Variants in CYP7B1 observed in about 807,000 individuals in gnomAD.
CYP7B1 encodes cytochrome P450 7B1.
In CYP7B1, 29 loss-of-function variants were observed where a neutral mutation model predicts 42.7. The ratio of observed to expected loss-of-function variants is 0.68; its 90% CI spans 0.51 to 0.93. The LOEUF (loss-of-function observed/expected upper bound fraction) is 0.93, where lower values mean the gene tolerates loss of function less well. Ranked by LOEUF, CYP7B1 falls within the 40% of genes least tolerant of loss-of-function variation. The pLI is 0.00. For synonymous variants in CYP7B1, 235 were observed against 218.2 expected (o/e 1.08, Z -0.68); for missense variants, 655 against 600.5 (o/e 1.09, Z -0.95).
intron 1 of CYP7B1, among the ~76,000 whole-genome samples, chr8:64,780,430 T>G (rs184023634): frequency 1.4e-3 from 215 of 152,232 alleles, no homozygotes; most frequent in African/African-American, 5.0e-3. Context: ...ACAATGAATT[T>G]AAATCCTGTT....
chr8:64,782,809 T>C (rs914344693), intron 1 of CYP7B1, among the ~76,000 whole-genome samples: 2 of 152,200 alleles, frequency 1.3e-5, no homozygotes, highest in Admixed American at 1.3e-4. Flanking sequence ...TTATTTTGAA[T>C]GAAATACAAA....
chr8:64,782,615 G>A (rs189803300), intron 1 of CYP7B1, among the ~76,000 whole-genome samples: 3 of 152,304 alleles, frequency 2.0e-5, no homozygotes, highest in East Asian at 1.9e-4. Context: ...ATATTCTTCT[G>A]ATAGAGATAA....
intron 1 of CYP7B1, among the ~76,000 whole-genome samples, chr8:64,650,777 C>T (rs1485948440): frequency 6.6e-6 from 1 of 152,136 alleles, no homozygotes; most frequent in African/African-American, 2.4e-5. Context: ...ACTTGGACCT[C>T]TAAGAAACTT....
intron 1 of CYP7B1, among the ~76,000 whole-genome samples, chr8:64,786,751 C>T (rs1411361355): frequency 6.6e-6 from 1 of 152,216 alleles, no homozygotes; most frequent in African/African-American, 2.4e-5. Context: ...GGAATCCAAC[C>T]CCACATTTCC....
At chr8:64,694,954 C>T (rs1265525901) in intron 1 of CYP7B1, among the ~76,000 whole-genome samples, 1 of 152,114 alleles carries the variant, frequency 6.6e-6, no homozygotes, top group Non-Finnish European at 1.5e-5. Flanking sequence ...ACATGGGTAA[C>T]GAGAAGTGGG....
At position 64,749,206 on chromosome 8, in the gene CYP7B1, G is replaced by A. The variant is rs184783640; in HGVS notation, c.122+49260C>T. 3.9e-3 allele frequency among the ~76,000 whole-genome samples: 595 copies of A among 151,918 alleles called. 3 individuals are homozygous for A. The highest frequency in any genetic ancestry group is 6.0e-3 in the Non-Finnish European group (408 of 67,952). On this transcript the variant is annotated intron_variant, in intron 1 of 5. Transcript: ENST00000310193. The stretch of plus-strand genomic sequence containing the variant: ...AGAAATTCTCCTGCCTCAGCCTCCT[G>A]AGTAGCTGGGATTACAGGTGCACAC...
At position 64,674,478 on chromosome 8, in the gene CYP7B1, A is replaced by G. The variant is rs549376327; in HGVS notation, c.123-49939T>C. Among the ~76,000 whole-genome samples, 3 of 152,270 alleles carry G rather than the reference A, an allele frequency of 2.0e-5. No homozygotes were observed. The South Asian group carries it at 6.2e-4, about 32-fold the overall frequency. On this transcript the variant is annotated intron_variant, in intron 1 of 5. Coordinates refer to ENST00000310193, the MANE Select transcript of CYP7B1 (RefSeq NM_004820.5). ...TACCTGGCTATGGCAAGTTTGATAC[A>G]TATTTGTTGAAAGAATAAATGCATG...
intron 1 of CYP7B1, among the ~76,000 whole-genome samples, chr8:64,796,181 G>T (rs1365515458): frequency 6.6e-6 from 1 of 152,144 alleles, no homozygotes; most frequent in Non-Finnish European, 1.5e-5. Flanking sequence ...GGAACAAGAA[G>T]GGCTTTCTAA....
chr8:64,762,065 T>C (rs1344612010), intron 1 of CYP7B1, among the ~76,000 whole-genome samples: 1 of 152,210 alleles, frequency 6.6e-6, no homozygotes, highest in Non-Finnish European at 1.5e-5. Context: ...AAAACTGTTA[T>C]AAATGATAGC....
At chr8:64,771,895 C>G (rs1804240053) in intron 1 of CYP7B1, among the ~76,000 whole-genome samples, 1 of 152,162 alleles carries the variant, frequency 6.6e-6, no homozygotes, top group Non-Finnish European at 1.5e-5. Flanking sequence ...AATTAATGAC[C>G]ACAAACCTGG....
At chr8:64,618,988 T>C (rs1342236355) in intron 2 of CYP7B1, among the ~76,000 whole-genome samples, 1 of 152,178 alleles carries the variant, frequency 6.6e-6, no homozygotes, top group African/African-American at 2.4e-5. Context: ...CAGAAGAAGA[T>C]GTTTTGATTT....
intron 1 of CYP7B1, among the ~76,000 whole-genome samples, chr8:64,697,060 T>C (rs553244611): frequency 1.7e-4 from 26 of 152,288 alleles, no homozygotes; most frequent in African/African-American, 6.0e-4. Context: ...AAAAAAGGGT[T>C]TTATCTACTG....
At chr8:64,775,884 T>C (rs951028396) in intron 1 of CYP7B1, among the ~76,000 whole-genome samples, 4 of 152,158 alleles carry the variant, frequency 2.6e-5, no homozygotes, top group African/African-American at 7.2e-5. Context: ...AGTAATGTCC[T>C]TGTGGAATCA....
intron 1 of CYP7B1, among the ~76,000 whole-genome samples, chr8:64,706,955 A>C (rs1177928077): frequency 6.6e-6 from 1 of 152,074 alleles, no homozygotes; most frequent in East Asian, 1.9e-4. Flanking sequence ...AGTCGTAACA[A>C]TTGAGCAATT....
chr8:64,663,790 A>G (rs975662723), intron 1 of CYP7B1, among the ~76,000 whole-genome samples: 1 of 152,170 alleles, frequency 6.6e-6, no homozygotes, highest in African/African-American at 2.4e-5. Flanking sequence ...TCTAAGGACC[A>G]AAAATTTCAT....
chr8:64,659,897 G>A (rs923427831), intron 1 of CYP7B1, among the ~76,000 whole-genome samples: 1 of 152,138 alleles, frequency 6.6e-6, no homozygotes, highest in African/African-American at 2.4e-5. Flanking sequence ...TCAGTGCAGA[G>A]GTGGGAATTA....
Position 64,665,559 on chromosome 8 carries a change from G to GTTTTTTTTT in CYP7B1, c.123-41029_123-41021dup, listed in dbSNP as rs540578806. Among the ~76,000 whole-genome samples the GTTTTTTTTT allele has an allele frequency of 2.3e-3, 121 of 52,046 alleles. 11 individuals are homozygous for GTTTTTTTTT. Among genetic ancestry groups the GTTTTTTTTT allele is most frequent in the Non-Finnish European group, 3.2e-3 (99 of 31,366 alleles). The allele number at this position is 52,046 out of a possible 152,430, so 34.1% of individuals were successfully genotyped here. On this transcript the variant is annotated intron_variant, in intron 1 of 5. Coordinates refer to ENST00000310193, the MANE Select transcript of CYP7B1 (RefSeq NM_004820.5). ...ATTTTAAGTGTTTTTTTTTTTGGTG[G>GTTTTTTTTT]TTTTTTTTTTTTTTTTTTTTTTTTT...
chr8:64,589,138 C>T (rs1472054897), downstream of CYP7B1, among the ~76,000 whole-genome samples: 2 of 152,210 alleles, frequency 1.3e-5, no homozygotes, highest in African/African-American at 2.4e-5. Context: ...ATGTGGGTAG[C>T]TCACACACTC....
At chr8:64,700,266 G>T (rs1029734172) in intron 1 of CYP7B1, among the ~76,000 whole-genome samples, 3 of 152,014 alleles carry the variant, frequency 2.0e-5, no homozygotes, top group African/African-American at 7.2e-5. Context: ...TGGCAATTTT[G>T]ACATCAGTCC....
Sources: gnomAD v4.1 joint callset for allele counts (sites outside exome capture counted in the v4.1 genomes callset) on GRCh38, gnomAD v4.1.1 for gene constraint, MANE v1.5 for transcripts, NCBI Gene and HGNC (gene_info 2026-07-23, HGNC 2026-07-21) for gene names.